The following KCNG2 variants were observed in gnomAD, a reference collection of about 807,000 sequenced individuals.
The protein encoded by KCNG2 is voltage-gated potassium channel regulatory subunit KCNG2.
A neutral mutation model predicts 12.3 loss-of-function variants in KCNG2; 7 were observed. The ratio of observed to expected loss-of-function variants is 0.57; its 90% CI spans 0.32 to 1.07. The LOEUF is 1.07. KCNG2 is among the 50% of genes least tolerant of loss of function. The pLI, the probability that KCNG2 is intolerant of heterozygous loss-of-function variation, is 0.04. For synonymous variants in KCNG2, 414 were observed against 351.4 expected (o/e 1.18, Z -1.99); for missense variants, 703 against 726.0 (o/e 0.97, Z 0.36).
At chr18:79,879,561 A>T (rs958319717) in intron 3 of KCNG2, among the ~76,000 whole-genome samples, 1 of 152,228 alleles carries the variant, frequency 6.6e-6, no homozygotes, top group Non-Finnish European at 1.5e-5. Flanking sequence ...CTCAAAAAAG[A>T]AGTAGTACAC....
intron 2 of KCNG2, among the ~76,000 whole-genome samples, chr18:79,861,585 T>G (rs755727989): frequency 3.9e-5 from 6 of 152,234 alleles, no homozygotes; most frequent in Non-Finnish European, 7.3e-5. Flanking sequence ...GGTCTTTGTC[T>G]TTAGACAGTT....
At chr18:79,828,614 G>A (rs566615264) in intron 1 of KCNG2, among the ~76,000 whole-genome samples, 12 of 151,214 alleles carry the variant, frequency 7.9e-5, no homozygotes, top group East Asian at 7.8e-4. Flanking sequence ...TGTGTGTAAC[G>A]TGTCTATGAT....
intron 3 of KCNG2, among the ~76,000 whole-genome samples, chr18:79,885,743 G>A (rs1421999126): frequency 6.6e-6 from 1 of 152,220 alleles, no homozygotes; most frequent in Non-Finnish European, 1.5e-5. Context: ...GGACACGAGG[G>A]AGATGCCTGT....
At position 79,884,965 on chromosome 18, in the gene KCNG2, G is replaced by A. The variant is rs777840322; in HGVS notation, c.625-14075G>A. Among the ~76,000 whole-genome samples the A allele has an allele frequency of 2.6e-5, 4 of 152,156 alleles. No homozygotes were observed. The highest frequency in any genetic ancestry group is 9.6e-5 in the African/African-American group (4 of 41,456). Reference sequence around the variant, plus strand: ...GAAGCCCACACTGATCTCTGAGTGTGCGGTCCACTTTCCCTCCCCAAAGAA... The same window carrying A: ...GAAGCCCACACTGATCTCTGAGTGTACGGTCCACTTTCCCTCCCCAAAGAA... On this transcript the variant is annotated intron_variant, in intron 3 of 3. Transcript: ENST00000316249. This position sits in a 1 kb window ranked among gnomAD's most constrained non-coding sequence, Gnocchi z 5.5.
intron 3 of KCNG2, among the ~76,000 whole-genome samples, chr18:79,873,661 T>C (rs959479028): frequency 2.0e-5 from 3 of 152,122 alleles, no homozygotes; most frequent in Non-Finnish European, 4.4e-5. Context: ...GCACACCCCA[T>C]GTCCTCAGTG....
intron 1 of KCNG2, among the ~76,000 whole-genome samples, chr18:79,842,996 A>C (rs1978509775): frequency 1.3e-5 from 2 of 152,242 alleles, no homozygotes; most frequent in South Asian, 4.1e-4. Context: ...ATCCAGATCC[A>C]TGAAGCCCAA....
At position 79,800,837 on chromosome 18, in the gene KCNG2, G is replaced by C. The variant is rs535657927; in HGVS notation, c.-115+2823G>C. The stretch of plus-strand genomic sequence containing the variant: ...GGAACCACAGCGAGGGGCACCCGAA[G>C]CAAATGTCAAGTCAAAATGGGTCCC... On this transcript the variant is annotated intron_variant, in intron 1 of 3. Transcript: ENST00000316249. This position sits in a 1 kb window ranked among gnomAD's most constrained non-coding sequence, Gnocchi z 4.0. Among the ~76,000 whole-genome samples the C allele has an allele frequency of 3.1e-4, 47 of 152,368 alleles. No homozygotes were observed. The highest frequency in any genetic ancestry group is 5.4e-4 in the Non-Finnish European group (37 of 68,044).
At chr18:79,856,248 A>G (rs1188216206) in intron 1 of KCNG2, among the ~76,000 whole-genome samples, 131 bp from the exon 2 acceptor site, 3 of 152,132 alleles carry the variant, frequency 2.0e-5, no homozygotes, top group Admixed American at 6.5e-5. Flanking sequence ...AGGGAAGTCA[A>G]CCTGTCCTGC....
chr18:79,828,513 A>AGT (rs3042175), intron 1 of KCNG2, among the ~76,000 whole-genome samples: 5 of 151,354 alleles, frequency 3.3e-5, no homozygotes, highest in African/African-American at 4.9e-5. Flanking sequence ...GAGTCTGTGT[A>AGT]GTGTAACGTG....
At chr18:79,898,468 G>A (rs55836638) in intron 3 of KCNG2, among the ~76,000 whole-genome samples, 2,643 of 152,304 alleles carry the variant, frequency 0.017, 76 homozygotes, top group African/African-American at 0.06. Flanking sequence ...CCCCTCCACC[G>A]GACTCCCCAA....
chr18:79,868,374 C>T (rs1214347874), intron 3 of KCNG2, among the ~76,000 whole-genome samples: 1 of 151,968 alleles, frequency 6.6e-6, no homozygotes, highest in Non-Finnish European at 1.5e-5. Context: ...TCGCCCTCCG[C>T]GTGGGGCCTG....
At chr18:79,879,163 C>T (rs1260822704) in intron 3 of KCNG2, among the ~76,000 whole-genome samples, 1 of 152,200 alleles carries the variant, frequency 6.6e-6, no homozygotes, top group Non-Finnish European at 1.5e-5. Flanking sequence ...AGACCTCCAG[C>T]CCCCACAGGA....
chr18:79,859,290 G>T (rs1007166448), intron 2 of KCNG2, among the ~76,000 whole-genome samples: 6 of 152,254 alleles, frequency 3.9e-5, no homozygotes, highest in African/African-American at 1.4e-4. Flanking sequence ...TGCTATAAAG[G>T]AATACCTGGA....
At chr18:79,805,353 C>T (rs371961491) in intron 1 of KCNG2, among the ~76,000 whole-genome samples, 3 of 152,306 alleles carry the variant, frequency 2.0e-5, no homozygotes, top group Admixed American at 6.5e-5. Context: ...GAAACACACG[C>T]GTGGCAGGAG....
Position 79,807,759 on chromosome 18 carries a change from CCT to C in KCNG2, c.-115+9747_-115+9748del, listed in dbSNP as rs112908667. Among the ~76,000 whole-genome samples the C allele has an allele frequency of 8.6e-4, 130 of 151,264 alleles. 8 individuals carry two copies. The highest frequency in any genetic ancestry group is 3.4e-3 in the Middle Eastern group (1 of 292). On this transcript the variant is annotated intron_variant, in intron 1 of 3. Transcript: ENST00000316249. Reference sequence around the variant, plus strand: ...GCACTCCATGTTATATGCCCAGAGTCCTCGCCCTGAGGAGCTGCCGGGGCCGC... The same window carrying C: ...GCACTCCATGTTATATGCCCAGAGTCCGCCCTGAGGAGCTGCCGGGGCCGC...
chr18:79,825,544 T>A (rs930984425), intron 1 of KCNG2, among the ~76,000 whole-genome samples: 3 of 152,060 alleles, frequency 2.0e-5, no homozygotes, highest in African/African-American at 7.2e-5. Flanking sequence ...TTACAGAAGC[T>A]CCCCTCAGCG....
chr18:79,834,483 A>G (rs1362477307), intron 1 of KCNG2, among the ~76,000 whole-genome samples: 1 of 152,186 alleles, frequency 6.6e-6, no homozygotes, highest in East Asian at 1.9e-4. Context: ...TGGGCGACAA[A>G]GTCCGGCAGA....
chr18:79,875,567 G>A (rs755363255), intron 3 of KCNG2, among the ~76,000 whole-genome samples: 86 of 152,200 alleles, frequency 5.7e-4, no homozygotes, highest in Admixed American at 2.9e-3. Context: ...CCCTGACAAT[G>A]GGGAAGAAAG....
At chr18:79,825,135 A>T (rs1204495832) in intron 1 of KCNG2, among the ~76,000 whole-genome samples, 3 of 152,152 alleles carry the variant, frequency 2.0e-5, no homozygotes, top group African/African-American at 7.2e-5. Context: ...CTTCAATGGA[A>T]ATGGGTCTGC....
Sources: gnomAD v4.1 joint callset for allele counts (sites outside exome capture counted in the v4.1 genomes callset) on GRCh38, gnomAD v4.1.1 for gene constraint, Gnocchi (gnomAD v3.1) non-coding constraint, MANE v1.5 for transcripts, NCBI Gene and HGNC (gene_info 2026-07-23, HGNC 2026-07-21) for gene names.